The following MYH11 variants were observed in gnomAD, a reference collection of about 807,000 sequenced individuals.
MYH11 encodes myosin heavy chain 11.
Under a neutral mutation model 246.6 loss-of-function variants are expected in MYH11, and 80 were observed. That is an observed-to-expected ratio of 0.32 (90% confidence interval 0.27 to 0.39). MYH11 has a LOEUF of 0.39. Among genes scored for constraint, MYH11 ranks in the 10% least tolerant of loss-of-function variants. The pLI is 1.00. For missense variants in MYH11, 2,158 were observed against 2,546.8 expected, an observed-to-expected ratio of 0.85 and a Z score of 3.29; for synonymous variants, 1,071 against 1,015.5, an observed-to-expected ratio of 1.05 and a Z score of -1.04.
chr16:15,771,435 C>CTTTT, intron 9 of MYH11, 134 bp downstream of exon 9: 26 of 703,346 alleles, frequency 3.7e-5, no homozygotes, highest in African/African-American at 7.9e-5. Context: ...CATTTTCCTC[C>CTTTT]TTTTTTTTTT....
chr16:15,707,742 C>T (rs576962788), intron 40 of MYH11, among the ~76,000 whole-genome samples: 10 of 152,190 alleles, frequency 6.6e-5, no homozygotes, highest in South Asian at 2.1e-4. Context: ...GAGGCCAAGG[C>T]GCGCGGATCA....
chr16:15,856,213 T>A (rs1338948622), intron 1 of MYH11, among the ~76,000 whole-genome samples: 5 of 142,096 alleles, frequency 3.5e-5, no homozygotes, highest in Non-Finnish European at 7.7e-5. Context: ...TCAACCTGGG[T>A]GAGTTGTTTT....
At chr16:15,707,571 G>C (rs952082971) in intron 40 of MYH11, among the ~76,000 whole-genome samples, 4 of 152,112 alleles carry the variant, frequency 2.6e-5, no homozygotes, top group African/African-American at 9.7e-5. Context: ...CTCACCCTGC[G>C]CTTTAAGTAT....
chr16:15,738,655 A>G lies in MYH11; in HGVS notation c.3031T>C (p.Leu1011=), dbSNP rs112861184. The G allele has an allele frequency of 6.6e-4, 1,058 of 1,613,918 alleles. No homozygotes were observed. Among genetic ancestry groups the G allele is most frequent in the Non-Finnish European group, 8.3e-4 (981 of 1,179,938 alleles). ...RKLLEERISD[L]TTNLAEEEEK... ...TCCTCTTCTGCAAGATTTGTCGTTAAGTCACTAATCCTCTCCTCAAGGAGT... is the reference window on the plus strand; with the variant it reads ...TCCTCTTCTGCAAGATTTGTCGTTAGGTCACTAATCCTCTCCTCAAGGAGT... The change falls in exon 24 of 41, where the codon TTA becomes CTA. Residue 1011 remains leucine, a synonymous_variant. Transcript: ENST00000300036.
chr16:15,785,944 T>G (rs2042458212), intron 5 of MYH11: 1 of 173,504 alleles, frequency 5.8e-6, no homozygotes. Context: ...CTCAGACTTA[T>G]CCCCAGGTCC....
chr16:15,725,338 C>G (rs946797902), intron 28 of MYH11: 1 of 561,044 alleles, frequency 1.8e-6, no homozygotes, highest in South Asian at 2.2e-5. Context: ...AGCAGCAGGT[C>G]TGAGAGTCCA....
rs1019713067 is a variant in MYH11, at chr16:15,741,986, T to G, written c.2521-95A>C. On this transcript the variant is annotated intron_variant, in intron 20 of 40. Coordinates refer to ENST00000300036, the MANE Select transcript of MYH11 (RefSeq NM_002474.3). ...CAGTGGTTCCGAGCCAGGGACAATG[T>G]TGCCCCCACCGATCCCCACTAGGGG... The G allele has an allele frequency of 1.9e-6, 3 of 1,541,168 alleles. No homozygotes were observed. The African/African-American group carries it at 4.1e-5, about 21-fold the overall frequency.
At chr16:15,726,737 A>C in intron 28 of MYH11, 111 bp downstream of exon 28, 1 of 1,276,412 alleles carries the variant, frequency 7.8e-7, no homozygotes, top group South Asian at 1.2e-5. Context: ...AACTAGAGGA[A>C]AGGACTTGCC....
chr16:15,705,709 T>C (rs941113412), intron 40 of MYH11, among the ~76,000 whole-genome samples: 1 of 152,056 alleles, frequency 6.6e-6, no homozygotes, highest in African/African-American at 2.4e-5. Flanking sequence ...CGGCTGGGCA[T>C]GGTGGCTCAC....
At chr16:15,793,858 C>T (rs1567179671) in intron 4 of MYH11, among the ~76,000 whole-genome samples, 4 of 141,662 alleles carry the variant, frequency 2.8e-5, no homozygotes, top group East Asian at 2.2e-4. Context: ...CTCCTGACCT[C>T]GTGATCCACC....
intron 1 of MYH11, among the ~76,000 whole-genome samples, chr16:15,839,557 G>A (rs765989536): frequency 6.6e-6 from 1 of 151,980 alleles, no homozygotes; most frequent in Non-Finnish European, 1.5e-5. Context: ...AATGGAGTGT[G>A]GTGGCACACA....
At chr16:15,856,653 T>C (rs1232705920) in intron 1 of MYH11, among the ~76,000 whole-genome samples, 1 of 151,942 alleles carries the variant, frequency 6.6e-6, no homozygotes, top group Non-Finnish European at 1.5e-5. Context: ...CTGGGGATTC[T>C]AGAGTTGGGA....
intron 19 of MYH11, among the ~76,000 whole-genome samples, chr16:15,745,907 A>G (rs965979882): frequency 6.8e-6 from 1 of 147,898 alleles, no homozygotes; most frequent in Non-Finnish European, 1.5e-5. Context: ...GTTTCTGACT[A>G]ACTTATTTAT....
intron 31 of MYH11, among the ~76,000 whole-genome samples, chr16:15,723,774 T>C (rs1460883281): frequency 6.6e-6 from 1 of 152,220 alleles, no homozygotes; most frequent in Non-Finnish European, 1.5e-5. Context: ...GAATGAAATC[T>C]TAGGGAAGAG....
chr16:15,801,403 CT>C (rs1363525065), intron 3 of MYH11, among the ~76,000 whole-genome samples: 1 of 152,102 alleles, frequency 6.6e-6, no homozygotes, highest in African/African-American at 2.4e-5. Context: ...TGCCTGTAAT[CT>C]CAACACTTTG....
intron 28 of MYH11, chr16:15,725,476 A>T (rs1304390759): frequency 2.4e-6 from 1 of 425,472 alleles, no homozygotes; most frequent in East Asian, 3.3e-5. Flanking sequence ...TGATGGCCAA[A>T]GCCAGAGACG....
At chr16:15,806,157 G>A (rs2043006393) in intron 3 of MYH11, among the ~76,000 whole-genome samples, 1 of 151,282 alleles carries the variant, frequency 6.6e-6, no homozygotes, top group Non-Finnish European at 1.5e-5. Context: ...CGTGCCTATA[G>A]TCCCAGCTAC....
intron 27 of MYH11, among the ~76,000 whole-genome samples, chr16:15,729,632 C>T (rs2040901849): frequency 6.6e-6 from 1 of 151,650 alleles, no homozygotes; most frequent in Non-Finnish European, 1.5e-5. Context: ...CTCACTGCAA[C>T]CTTTACCTCC....
chr16:15,823,073 T>C (rs1945561103), intron 3 of MYH11, among the ~76,000 whole-genome samples, 182 bp downstream of exon 3: 1 of 152,248 alleles, frequency 6.6e-6, no homozygotes, highest in Admixed American at 6.5e-5. Flanking sequence ...AGCTCTTGGC[T>C]CTCCCTCACC....
Sources: allele counts gnomAD v4.1 joint callset (sites outside exome capture counted in the v4.1 genomes callset), GRCh38; gene constraint gnomAD v4.1.1; transcripts MANE v1.5; gene names NCBI Gene and HGNC (gene_info 2026-07-23, HGNC 2026-07-21).